Variants in IARS2 observed in about 807,000 individuals in gnomAD.
IARS2 encodes the protein isoleucine--tRNA ligase, mitochondrial.
Under a neutral mutation model 126.3 loss-of-function variants are expected in IARS2, and 56 were observed. The observed-to-expected ratio is 0.44, with a 90% confidence interval of 0.36 to 0.55. The LOEUF (loss-of-function observed/expected upper bound fraction) is 0.55. IARS2 is among the 20% of genes least tolerant of loss of function. The probability of loss-of-function intolerance (pLI) is 0.00; values close to 1 mark genes in which losing one functional copy is unlikely to be tolerated. For synonymous variants in IARS2, 407 were observed against 441.1 expected (o/e 0.92, Z 0.97); for missense variants, 1,127 against 1,245.9 (o/e 0.90, Z 1.44).
In IARS2 at chr1:220,123,466, A is replaced by T. The variant is rs533706259; in HGVS notation, c.1641-1771A>T. ...TATTTCAAATTTAAATTTGTAGAGC[A>T]TATTTATTTATTTATTATTTTTTTT... On this transcript the variant is annotated intron_variant, in intron 12 of 22. Transcript: ENST00000366922. 1.1e-3 allele frequency among the ~76,000 whole-genome samples: 167 copies of T among 152,090 alleles called. 1 individual carries two copies. Among genetic ancestry groups the T allele is most frequent in the African/African-American group, 3.8e-3 (157 of 41,514 alleles).
intron 10 of IARS2, among the ~76,000 whole-genome samples, chr1:220,108,946 G>A (rs2102821855): frequency 6.7e-6 from 1 of 148,258 alleles, no homozygotes; most frequent in East Asian, 2.0e-4. Context: ...AAAGCAGGTG[G>A]ACTATTGATT....
At chr1:220,121,788 G>A (rs1172486942) in intron 12 of IARS2, among the ~76,000 whole-genome samples, 2 of 152,090 alleles carry the variant, frequency 1.3e-5, no homozygotes, top group African/African-American at 2.4e-5. Context: ...TTGAATTTAG[G>A]ATTCTAAAAT....
intron 14 of IARS2, 89 bp from the exon 15 acceptor site, chr1:220,134,313 C>A (rs772944491): frequency 8.1e-6 from 7 of 865,522 alleles, no homozygotes; most frequent in Non-Finnish European, 1.2e-5. Flanking sequence ...CCTTCCTCCC[C>A]ACTAATTGTT....
At position 220,102,366 on chromosome 1, in the gene IARS2, T is replaced by G; in HGVS notation, c.703T>G (p.Leu235Val). 1.9e-6 allele frequency: 3 copies of G among 1,613,856 alleles called. No homozygotes were observed. Among genetic ancestry groups the G allele is most frequent in the Non-Finnish European group, 2.5e-6 (3 of 1,179,948 alleles). ...ATCATATTTTTGTCTTTTATAGGGC[T>G]TGGTTTATCGATCTTACAAACCTGT... ...RTFYQMYDKG[L>V]VYRSYKPVFW... Residue 235 changes from leucine (L) to valine (V), a missense_variant, in exon 5 of 23, where the codon TTG (leucine) becomes GTG (valine). By Grantham distance (32) the Leu-to-Val change is conservative (BLOSUM62 1). Coordinates refer to ENST00000366922, the MANE Select transcript of IARS2 (RefSeq NM_018060.4).
At position 220,144,749 on chromosome 1, in the gene IARS2, A is replaced by G. The variant is rs74916132; in HGVS notation, c.2752-760A>G. Among the ~76,000 whole-genome samples, 11 of 152,344 alleles carry G rather than the reference A, an allele frequency of 7.2e-5. No individual in the cohort carries two copies. The East Asian group carries it at 1.7e-3, about 24-fold the overall frequency. ...GAAAAAATACTTTGGGATTTTCAAA[A>G]ACATGAATGTATTTTCCTTAGGAAT... On this transcript the variant is annotated intron_variant, in intron 21 of 22. Transcript: ENST00000366922.
At chr1:220,121,932 G>C (rs539497489) in intron 12 of IARS2, among the ~76,000 whole-genome samples, 19 of 152,006 alleles carry the variant, frequency 1.2e-4, no homozygotes, top group African/African-American at 4.3e-4. Flanking sequence ...ATCTCTAGAG[G>C]GGGGGAAAGA....
At chr1:220,096,968 C>A (rs998091436) in intron 2 of IARS2, among the ~76,000 whole-genome samples, 2 of 151,952 alleles carry the variant, frequency 1.3e-5, no homozygotes, top group Admixed American at 6.6e-5. Context: ...ATGCCGTGAA[C>A]CCGGGAGGCG....
Position 220,097,449 on chromosome 1 carries a change from C to T in IARS2, c.390+1223C>T, listed in dbSNP as rs936222404. On this transcript the variant is annotated intron_variant, in intron 2 of 22. Transcript: ENST00000366922. ...TGCAATCTTGGCTCACTGCAATCTC[C>T]GCTTCCCGGGTTCAAGCGATTCTCC... Among the ~76,000 whole-genome samples, 5 of 151,148 alleles carry T rather than the reference C, an allele frequency of 3.3e-5. 1 individual carries two copies. Among genetic ancestry groups the T allele is most frequent in the Admixed American group, 6.6e-5 (1 of 15,156 alleles).
chr1:220,147,853 G>C lies in IARS2; in HGVS notation c.*218G>C, dbSNP rs1558134431. The C allele has an allele frequency of 1.9e-6, 1 of 533,044 alleles. No homozygotes were observed. Among genetic ancestry groups the C allele is most frequent in the East Asian group, 2.8e-5 (1 of 35,792 alleles). 33.0% of individuals were successfully genotyped at this position (533,044 alleles called of 1,614,324 possible). ...CATGCAGAAATATATATGTGTGTGT[G>C]TATCTGTGGATGGATATATGTATAT... On this transcript the variant is annotated 3_prime_UTR_variant, in exon 23 of 23. Transcript: ENST00000366922.
At chr1:220,143,175 A>G (rs549813715) in intron 21 of IARS2, 41 bp downstream of exon 21, 25 of 1,462,088 alleles carry the variant, frequency 1.7e-5, no homozygotes, top group Non-Finnish European at 2.1e-5. Flanking sequence ...TGTTAGTATC[A>G]TAGAGCTTTG....
chr1:220,145,713 T>G, intron 22 of IARS2, 60 bp downstream of exon 22: 1 of 1,402,756 alleles, frequency 7.1e-7, no homozygotes, highest in Non-Finnish European at 9.7e-7. Context: ...ATAGGTCATC[T>G]CCAACTTTCC....
At chr1:220,108,317 C>T (rs1048310233) in intron 10 of IARS2, among the ~76,000 whole-genome samples, 3 of 151,978 alleles carry the variant, frequency 2.0e-5, no homozygotes, top group African/African-American at 7.3e-5. Context: ...CCACCTTAGC[C>T]TCCCAAAGTG....
rs973849821 is a variant in IARS2, at chr1:220,138,033, A to G, written c.2165A>G (p.Asp722Gly). ...GPSVLNAARD[D>G]ISKLRNTLRF... The stretch of plus-strand genomic sequence containing the variant: ...TCCGTGCTCAATGCTGCCAGAGATG[A>G]TATTAGCAAGGTTAGAACTATTATT... The change falls in exon 17 of 23, where the codon GAT becomes GGT. Residue 722 changes from aspartate to glycine, a missense_variant. By Grantham distance (94) the Asp-to-Gly change is moderately conservative (BLOSUM62 -1). Transcript: ENST00000366922. The G allele has an allele frequency of 3.7e-6, 6 of 1,614,032 alleles. No homozygotes were observed. The African/African-American group carries it at 8.0e-5, about 22-fold the overall frequency.
At chr1:220,141,397 A>G (rs1227228229) in intron 19 of IARS2, among the ~76,000 whole-genome samples, 3 of 152,226 alleles carry the variant, frequency 2.0e-5, no homozygotes, top group African/African-American at 2.4e-5. Context: ...TAATGAGTCC[A>G]GTCTGAGGCG....
chr1:220,102,723 C>T lies in IARS2; in HGVS notation c.896C>T (p.Thr299Ile), dbSNP rs745590557. 4.3e-6 allele frequency: 7 copies of T among 1,613,776 alleles called. No individual in the cohort carries two copies. Among genetic ancestry groups the T allele is most frequent in the Non-Finnish European group, 5.9e-6 (7 of 1,179,674 alleles). The change falls in exon 7 of 23, where the codon ACA becomes ATA. Residue 299 changes from threonine (T) to isoleucine (I), a missense_variant. By Grantham distance (89) the Thr-to-Ile change is moderately conservative. Transcript: ENST00000366922. ...SSPVSILVWTTQPWTIPANEA... is the reference protein window; with the variant it reads ...SSPVSILVWTIQPWTIPANEA... The stretch of plus-strand genomic sequence containing the variant: ...CCTGTTAGTATTTTGGTCTGGACCA[C>T]ACAACCTTGGACGATTCCAGCCAAT...
intron 11 of IARS2, 138 bp from the exon 12 acceptor site, chr1:220,114,175 GT>G: frequency 5.9e-6 from 4 of 680,354 alleles, no homozygotes; most frequent in Non-Finnish European, 7.6e-6. Flanking sequence ...TTCTTTAGTT[GT>G]TTTTTTGAGG....
chr1:220,097,667 AT>A (rs1316622222), intron 2 of IARS2, among the ~76,000 whole-genome samples: 1 of 151,628 alleles, frequency 6.6e-6, no homozygotes, highest in Non-Finnish European at 1.5e-5. Context: ...CTGGCCCCCA[AT>A]AATTCTTATA....
chr1:220,112,830 A>G (rs1469974248), intron 11 of IARS2, among the ~76,000 whole-genome samples: 3 of 151,708 alleles, frequency 2.0e-5, no homozygotes, highest in Non-Finnish European at 2.9e-5. Context: ...GAGTGCTGTA[A>G]TTACAGGTGT....
intron 11 of IARS2, among the ~76,000 whole-genome samples, chr1:220,111,476 A>T (rs1246631110): frequency 7.9e-5 from 12 of 152,126 alleles, no homozygotes; most frequent in Admixed American, 7.2e-4. Flanking sequence ...TGAAAAATAT[A>T]CAAAGTTGTT....
Sources: allele counts gnomAD v4.1 joint callset (sites outside exome capture counted in the v4.1 genomes callset), GRCh38; gene constraint gnomAD v4.1.1; transcripts MANE v1.5; gene names NCBI Gene and HGNC (gene_info 2026-07-23, HGNC 2026-07-21).